YWHAQ: variants seen among roughly 807,000 people sequenced by gnomAD.
YWHAQ encodes 14-3-3 protein theta.
YWHAQ carries 6 observed loss-of-function variants against 28.3 expected under a neutral mutation model. That is an observed-to-expected ratio of 0.21 (90% CI 0.12 to 0.42). The LOEUF is 0.42. Among genes scored for constraint, YWHAQ ranks in the 10% least tolerant of loss-of-function variants. The pLI, the probability that YWHAQ is intolerant of heterozygous loss-of-function variation, is 1.00. For missense variants in YWHAQ, 201 were observed against 305.6 expected, an observed-to-expected ratio of 0.66 and a Z score of 2.55; for synonymous variants, 143 against 119.1, an observed-to-expected ratio of 1.20 and a Z score of -1.31.
chr2:9,608,523 A>G (rs1235594940), intron 2 of YWHAQ, among the ~76,000 whole-genome samples: 2 of 152,204 alleles, frequency 1.3e-5, no homozygotes, highest in Non-Finnish European at 2.9e-5. Context: ...TGAAAACACA[A>G]GCTGAAAATG....
Position 9,630,315 on chromosome 2 carries a change from C to T in YWHAQ, c.138G>A (p.Val46=), listed in dbSNP as rs769460753. The T allele has an allele frequency of 4.3e-6, 7 of 1,614,162 alleles. No homozygotes were observed. Among genetic ancestry groups the T allele is most frequent in the Non-Finnish European group, 5.9e-6 (7 of 1,180,046 alleles). The stretch of plus-strand genomic sequence containing the variant: ...GGCCCCCGACCACGTTCTTGTAGGC[C>T]ACGGAGAGCAGGTTGCGCTCCTCGT... ...LSNEERNLLS[V]AYKNVVGGRR... The change falls in exon 2 of 6, where the codon GTG becomes GTA. Residue 46 remains valine (V), a synonymous_variant. Coordinates refer to ENST00000238081, the MANE Select transcript of YWHAQ (RefSeq NM_006826.4). The surrounding 1 kb of genome is among the most constrained non-coding windows in gnomAD (Gnocchi z 5.6).
At chr2:9,621,575 A>C (rs748296793) in intron 2 of YWHAQ, among the ~76,000 whole-genome samples, 1 of 100,934 alleles carries the variant, frequency 9.9e-6, no homozygotes, top group African/African-American at 8.0e-5. Context: ...AGCTGAAGAC[A>C]TAAGTACAGG....
chr2:9,601,876 G>A (rs145329281), intron 2 of YWHAQ, among the ~76,000 whole-genome samples: 2 of 152,120 alleles, frequency 1.3e-5, no homozygotes, highest in African/African-American at 2.4e-5. Flanking sequence ...TCGATCTCCT[G>A]ACCTCAGATG....
At chr2:9,598,167 T>C (rs1363142902) in intron 2 of YWHAQ, among the ~76,000 whole-genome samples, 9 of 152,002 alleles carry the variant, frequency 5.9e-5, no homozygotes, top group Non-Finnish European at 2.9e-5. Flanking sequence ...ACTGATCCTA[T>C]ATGCTGTGGG....
intron 2 of YWHAQ, among the ~76,000 whole-genome samples, chr2:9,627,848 C>T (rs953849352): frequency 1.3e-5 from 2 of 152,132 alleles, no homozygotes; most frequent in East Asian, 3.8e-4. Context: ...AGCCCTACCC[C>T]GGATATTCCT....
chr2:9,609,128 G>A (rs945879183), intron 2 of YWHAQ, among the ~76,000 whole-genome samples: 8 of 152,094 alleles, frequency 5.3e-5, no homozygotes, highest in Non-Finnish European at 7.4e-5. Flanking sequence ...TGGATACATA[G>A]GGTTACTACA....
intron 2 of YWHAQ, among the ~76,000 whole-genome samples, chr2:9,608,998 C>G (rs1181018062): frequency 6.6e-6 from 1 of 152,180 alleles, no homozygotes; most frequent in African/African-American, 2.4e-5. Flanking sequence ...GACGGATTCT[C>G]TATCATGAGG....
intron 2 of YWHAQ, among the ~76,000 whole-genome samples, chr2:9,604,487 G>A (rs1488950027): frequency 6.6e-6 from 1 of 152,154 alleles, no homozygotes; most frequent in African/African-American, 2.4e-5. Flanking sequence ...AAGTTCCTCA[G>A]TTTCATCTCC....
At chr2:9,620,567 A>G (rs1052331836) in intron 2 of YWHAQ, 4 of 152,192 alleles carry the variant, frequency 2.6e-5, no homozygotes, top group Non-Finnish European at 4.4e-5. Flanking sequence ...AGGTATTGGG[A>G]GGGGCAAGTT....
At chr2:9,621,146 T>G (rs957368045) in intron 2 of YWHAQ, among the ~76,000 whole-genome samples, 2 of 152,202 alleles carry the variant, frequency 1.3e-5, no homozygotes, top group Non-Finnish European at 2.9e-5. Flanking sequence ...CTATTCTCAT[T>G]CAATTTTTTG....
intron 2 of YWHAQ, among the ~76,000 whole-genome samples, chr2:9,615,535 G>A (rs1667025032): frequency 6.6e-6 from 1 of 152,082 alleles, no homozygotes; most frequent in African/African-American, 2.4e-5. Flanking sequence ...GAAAAATGCT[G>A]GAAGGTCTCA....
chr2:9,590,148 G>GAC (rs1651856323), intron 3 of YWHAQ, among the ~76,000 whole-genome samples: 1 of 152,178 alleles, frequency 6.6e-6, no homozygotes, highest in Non-Finnish European at 1.5e-5. Flanking sequence ...TGTGAGACCT[G>GAC]AAAGTGCCAA....
chr2:9,608,342 C>T (rs1446661503), intron 2 of YWHAQ, among the ~76,000 whole-genome samples: 2 of 152,132 alleles, frequency 1.3e-5, no homozygotes, highest in African/African-American at 4.8e-5. Context: ...TACAACACAA[C>T]AACAGTGTGG....
intron 2 of YWHAQ, among the ~76,000 whole-genome samples, chr2:9,626,101 C>T (rs147664640): frequency 7.0e-4 from 107 of 152,306 alleles, no homozygotes; most frequent in African/African-American, 2.5e-3. Context: ...CCAGAGATTC[C>T]CTACATACTA....
chr2:9,597,072 T>C (rs1387098477), intron 2 of YWHAQ, among the ~76,000 whole-genome samples: 2 of 152,240 alleles, frequency 1.3e-5, no homozygotes, highest in Non-Finnish European at 2.9e-5. Flanking sequence ...TATAATCTTG[T>C]AGGAAATCAC....
At chr2:9,605,262 C>G (rs568371566) in intron 2 of YWHAQ, among the ~76,000 whole-genome samples, 17 of 151,984 alleles carry the variant, frequency 1.1e-4, no homozygotes, top group Non-Finnish European at 2.2e-4. Flanking sequence ...CTCAGCCTCC[C>G]AAGTAGCTGG....
At chr2:9,615,421 A>T (rs1338671956) in intron 2 of YWHAQ, 1 of 151,228 alleles carries the variant, frequency 6.6e-6, no homozygotes, top group Non-Finnish European at 1.5e-5. Context: ...AAAAAAAAAA[A>T]GAACTAGAGC....
intron 2 of YWHAQ, among the ~76,000 whole-genome samples, chr2:9,596,624 A>G (rs1337294692): frequency 2.0e-5 from 3 of 152,196 alleles, no homozygotes; most frequent in Non-Finnish European, 4.4e-5. Context: ...TTATTTCTAT[A>G]TTATCAGTTA....
chr2:9,618,623 C>T (rs1003453474), intron 2 of YWHAQ, among the ~76,000 whole-genome samples: 15 of 151,864 alleles, frequency 9.9e-5, no homozygotes, highest in African/African-American at 3.4e-4. Context: ...CCTCTTGCCT[C>T]AACCGCCAGT....
Sources: gnomAD v4.1 joint callset for allele counts (sites outside exome capture counted in the v4.1 genomes callset) on GRCh38, gnomAD v4.1.1 for gene constraint, Gnocchi (gnomAD v3.1) non-coding constraint, MANE v1.5 for transcripts, NCBI Gene and HGNC (gene_info 2026-07-23, HGNC 2026-07-21) for gene names.